The following KIF26B variants were observed in gnomAD, a reference collection of about 807,000 sequenced individuals.
KIF26B encodes the protein kinesin-like protein KIF26B.
In KIF26B, 63 loss-of-function variants were observed where a neutral mutation model predicts 151.2. The ratio of observed to expected loss-of-function variants is 0.42; its 90% CI spans 0.34 to 0.51. The LOEUF is 0.51. Ranked by LOEUF, KIF26B falls within the 20% of genes least tolerant of loss-of-function variation. The pLI is 0.07. For missense variants in KIF26B, 2,813 were observed against 2,913.6 expected, an observed-to-expected ratio of 0.97 and a Z score of 0.79; for synonymous variants, 1,357 against 1,262.1, an observed-to-expected ratio of 1.08 and a Z score of -1.59.
At chr1:245,306,052 C>T (rs1249735654) in intron 2 of KIF26B, among the ~76,000 whole-genome samples, 7 of 151,498 alleles carry the variant, frequency 4.6e-5, no homozygotes, top group Non-Finnish European at 8.8e-5. Flanking sequence ...CCCAACAATT[C>T]TACCCTTGTT....
intron 9 of KIF26B, among the ~76,000 whole-genome samples, chr1:245,615,450 G>C (rs532243319): frequency 4.7e-4 from 71 of 152,250 alleles, no homozygotes; most frequent in Admixed American, 1.8e-3. Context: ...TTCATTAAAT[G>C]ACTTCAAATA....
intron 4 of KIF26B, among the ~76,000 whole-genome samples, chr1:245,428,676 G>A (rs1206425778): frequency 6.6e-6 from 1 of 152,116 alleles, no homozygotes; most frequent in African/African-American, 2.4e-5. Flanking sequence ...CAGCGTTTGC[G>A]GCCCCTTCCC....
intron 2 of KIF26B, among the ~76,000 whole-genome samples, chr1:245,221,457 G>C (rs1047157068): frequency 4.6e-5 from 7 of 151,284 alleles, no homozygotes; most frequent in African/African-American, 1.7e-4. Context: ...ACCCAGGCTG[G>C]AGTGCAATGG....
At position 245,375,459 on chromosome 1, in the gene KIF26B, G is replaced by C. The variant is rs1372273679; in HGVS notation, c.999+8092G>C. Among the ~76,000 whole-genome samples the C allele has an allele frequency of 1.3e-5, 2 of 152,192 alleles. No homozygotes were observed. Among genetic ancestry groups the C allele is most frequent in the African/African-American group, 4.8e-5 (2 of 41,460 alleles). ...GAGGAAGGCAGGAGGATCAGAACCA[G>C]AGAGAGGAGGTGGAAGGACAGAAGC... On this transcript the variant is annotated intron_variant, in intron 3 of 14. Coordinates refer to ENST00000407071, the MANE Select transcript of KIF26B (RefSeq NM_018012.4). This position sits in a 1 kb window ranked among gnomAD's most constrained non-coding sequence, Gnocchi z 4.2.
intron 2 of KIF26B, among the ~76,000 whole-genome samples, chr1:245,217,843 C>T (rs1669679565): frequency 6.6e-6 from 1 of 152,100 alleles, no homozygotes; most frequent in African/African-American, 2.4e-5. Context: ...TCACAGCTGC[C>T]AGCAGTTGCA....
chr1:245,409,794 T>C (rs1215023196), intron 3 of KIF26B, among the ~76,000 whole-genome samples: 2 of 152,116 alleles, frequency 1.3e-5, no homozygotes, highest in Non-Finnish European at 2.9e-5. Flanking sequence ...TCAGAGGTGA[T>C]TTGTGTCCAC....
chr1:245,340,214 T>C (rs1177543110), intron 2 of KIF26B, among the ~76,000 whole-genome samples: 3 of 152,230 alleles, frequency 2.0e-5, no homozygotes. Flanking sequence ...GTCCCTGGTA[T>C]AAAATGTCAT....
chr1:245,449,096 A>G (rs1391063553), intron 4 of KIF26B, among the ~76,000 whole-genome samples: 1 of 152,226 alleles, frequency 6.6e-6, no homozygotes, highest in African/African-American at 2.4e-5. Flanking sequence ...GTTCAGAATA[A>G]CATGATGTGG....
At chr1:245,528,539 G>A (rs1661292821) in intron 4 of KIF26B, among the ~76,000 whole-genome samples, 1 of 152,210 alleles carries the variant, frequency 6.6e-6, no homozygotes, top group Admixed American at 6.5e-5. Context: ...GCAAAGGAAG[G>A]GTAGCTTTGT....
intron 2 of KIF26B, among the ~76,000 whole-genome samples, chr1:245,353,385 T>C (rs931401605): frequency 6.6e-6 from 1 of 152,210 alleles, no homozygotes; most frequent in Non-Finnish European, 1.5e-5. Context: ...CCATGAAAGT[T>C]CTCTGAGAAG....
At chr1:245,327,784 A>G (rs893459610) in intron 2 of KIF26B, among the ~76,000 whole-genome samples, 2 of 152,154 alleles carry the variant, frequency 1.3e-5, no homozygotes, top group African/African-American at 2.4e-5. Flanking sequence ...TATTTTTTCC[A>G]TGAAATGTAT....
chr1:245,525,044 A>G (rs752731089), intron 4 of KIF26B, among the ~76,000 whole-genome samples: 1 of 152,060 alleles, frequency 6.6e-6, no homozygotes, highest in Non-Finnish European at 1.5e-5. Context: ...TGAAGTATTG[A>G]GGATTTTCAT....
intron 2 of KIF26B, among the ~76,000 whole-genome samples, chr1:245,314,330 G>T (rs576946687): frequency 6.6e-6 from 1 of 151,926 alleles, no homozygotes; most frequent in East Asian, 1.9e-4. Context: ...TGGGCGCCTG[G>T]AATCCCAGCT....
At chr1:245,278,403 G>A (rs1376004059) in intron 2 of KIF26B, among the ~76,000 whole-genome samples, 1 of 152,056 alleles carries the variant, frequency 6.6e-6, no homozygotes, top group East Asian at 1.9e-4. Context: ...TACATCACTT[G>A]CCATTTTCAG....
At chr1:245,509,459 A>G (rs1306125281) in intron 4 of KIF26B, among the ~76,000 whole-genome samples, 1 of 152,176 alleles carries the variant, frequency 6.6e-6, no homozygotes, top group Admixed American at 6.5e-5. Flanking sequence ...CCCTCTCACC[A>G]TTCTGACCAT....
At chr1:245,252,372 C>T (rs570556497) in intron 2 of KIF26B, among the ~76,000 whole-genome samples, 15 of 151,526 alleles carry the variant, frequency 9.9e-5, no homozygotes, top group South Asian at 4.2e-4. Flanking sequence ...TATTACCTTT[C>T]GGTAAATGTT....
At chr1:245,679,918 C>A (rs192949948) in intron 10 of KIF26B, among the ~76,000 whole-genome samples, 21 of 152,258 alleles carry the variant, frequency 1.4e-4, no homozygotes, top group African/African-American at 4.1e-4. Flanking sequence ...GCCTGCCCAA[C>A]CTGTCCTCCA....
rs562269099 is a variant in KIF26B, at chr1:245,377,619, T to TAGAC, written c.999+10268_999+10271dup. On this transcript the variant is annotated intron_variant, in intron 3 of 14. Transcript: ENST00000407071. ...CAAATAAGGTCACATTCTAAATAGA[T>TAGAC]AGACAGACAGACAGACAGATAACTA... is the stretch of plus-strand genomic sequence containing the variant. Among the ~76,000 whole-genome samples the TAGAC allele has an allele frequency of 3.1e-3, 479 of 152,264 alleles. 3 individuals are homozygous for TAGAC. The highest frequency in any genetic ancestry group is 9.9e-3 in the African/African-American group (410 of 41,546).
chr1:245,661,375 T>C (rs2044136246), intron 10 of KIF26B, among the ~76,000 whole-genome samples: 1 of 151,978 alleles, frequency 6.6e-6, no homozygotes, highest in South Asian at 2.1e-4. Flanking sequence ...TTTTGAGCCT[T>C]TTAAGCCTTG....
Sources: gnomAD v4.1 joint callset for allele counts (sites outside exome capture counted in the v4.1 genomes callset) on GRCh38, gnomAD v4.1.1 for gene constraint, Gnocchi (gnomAD v3.1) non-coding constraint, MANE v1.5 for transcripts, NCBI Gene and HGNC (gene_info 2026-07-23, HGNC 2026-07-21) for gene names.